The following KLK7 variants were observed in gnomAD, a reference collection of about 807,000 sequenced individuals.
The protein encoded by KLK7 is kallikrein-7.
KLK7 carries 17 observed loss-of-function variants against 21.0 expected under a neutral mutation model. That is an observed-to-expected ratio of 0.81 (90% CI 0.55 to 1.21). The LOEUF (loss-of-function observed/expected upper bound fraction) is 1.21, where lower values mean the gene tolerates loss of function less well. KLK7 is among the 50% of genes most tolerant of loss of function. KLK7 has a pLI of 0.00. For synonymous variants in KLK7, 151 were observed against 134.6 expected, an observed-to-expected ratio of 1.12 and a Z score of -0.85; for missense variants, 330 against 322.8, an observed-to-expected ratio of 1.02 and a Z score of -0.17.
chr19:50,979,675 TG>T, intron 5 of KLK7, 112 bp downstream of exon 5: 12 of 1,058,518 alleles, frequency 1.1e-5, no homozygotes, highest in Middle Eastern at 2.9e-4. Flanking sequence ...AGGCCAGGCC[TG>T]GGGGGAGGGC....
chr19:50,979,901 A>G lies in KLK7; in HGVS notation c.493T>C (p.Cys165Arg). Residue 165 changes from cysteine to arginine, a missense_variant, in exon 5 of 6, where the codon TGC (cysteine) becomes CGC (arginine). Cys to Arg is a radical substitution (Grantham distance 180). Coordinates refer to ENST00000595820, the MANE Select transcript of KLK7 (RefSeq NM_005046.4). ...GGGGAGATGAGCTTGACATCCACGC[A>G]CATGAGGTCAGAGGGAAAGGTCACT... ...PDVTFPSDLMCVDVKLISPQD... is the reference protein window; with the variant it reads ...PDVTFPSDLMRVDVKLISPQD... 1 of 1,595,350 alleles carries G rather than the reference A, an allele frequency of 6.3e-7. No homozygotes were observed. The highest frequency in any genetic ancestry group is 1.1e-5 in the South Asian group (1 of 87,556).
intron 3 of KLK7, 88 bp from the exon 4 acceptor site, chr19:50,980,575 C>G: frequency 6.5e-7 from 1 of 1,532,426 alleles, no homozygotes; most frequent in South Asian, 1.2e-5. Flanking sequence ...GGGACAGAGA[C>G]CCAGAGAGAG....
chr19:50,979,776 G>T lies in KLK7; in HGVS notation c.606+12C>A. The T allele has an allele frequency of 6.4e-7, 1 of 1,563,896 alleles. No individual in the cohort carries two copies. The highest frequency in any genetic ancestry group is 8.7e-7 in the Non-Finnish European group (1 of 1,153,190). On this transcript the variant is annotated intron_variant, in intron 5 of 5. Coordinates refer to ENST00000595820, the MANE Select transcript of KLK7 (RefSeq NM_005046.4). ...CCCAGGACTGGGGAGGAATTGGGGG[G>T]GAGGGTCTCACATTGCAGGCGTTTT...
At chr19:50,983,665 G>T in intron 1 of KLK7, 186 bp downstream of exon 1, 1 of 833,028 alleles carries the variant, frequency 1.2e-6, no homozygotes, top group Non-Finnish European at 1.6e-6. Flanking sequence ...CTTCCCTGTG[G>T]AACCCAAACT....
At chr19:50,978,644 T>C (rs953424151) in intron 5 of KLK7, among the ~76,000 whole-genome samples, 1 of 5,724 alleles carries the variant, frequency 1.7e-4, no homozygotes, top group Non-Finnish European at 3.3e-4. Flanking sequence ...GGGAGAGAGA[T>C]GGGGTGGGGG....
intron 5 of KLK7, among the ~76,000 whole-genome samples, chr19:50,979,138 G>A (rs1452355814): frequency 1.3e-5 from 2 of 150,938 alleles, no homozygotes; most frequent in African/African-American, 2.4e-5. Flanking sequence ...CAGAGAGGAG[G>A]TGGAGAGAAA....
At chr19:50,980,990 G>C (rs1348978209) in intron 3 of KLK7, among the ~76,000 whole-genome samples, 1 of 147,534 alleles carries the variant, frequency 6.8e-6, no homozygotes, top group East Asian at 2.1e-4. Context: ...CAGGGAGAGA[G>C]GGGGACAGAG....
intron 1 of KLK7, 110 bp downstream of exon 1, chr19:50,983,741 C>T: frequency 1.6e-6 from 2 of 1,240,170 alleles, no homozygotes; most frequent in Non-Finnish European, 2.1e-6. Flanking sequence ...CCTCACTGCT[C>T]AGGACCGGGA....
Position 50,978,498 on chromosome 19 carries a change from AAAG to A in KLK7, c.607-810_607-808del, listed in dbSNP as rs2091052495. Among the ~76,000 whole-genome samples the A allele has an allele frequency of 2.0e-5, 3 of 146,572 alleles. No individual in the cohort carries two copies. The South Asian group carries it at 6.7e-4, about 33-fold the overall frequency. The stretch of plus-strand genomic sequence containing the variant: ...AGAGAGACAGAGAGATGGGGGTGGA[AAAG>A]AAGGAGGGAGAAGAGAGACAGACAA... On this transcript the variant is annotated intron_variant, in intron 5 of 5. Transcript: ENST00000595820.
intron 5 of KLK7, among the ~76,000 whole-genome samples, chr19:50,978,377 G>A (rs1426318547): frequency 2.6e-5 from 4 of 152,016 alleles, no homozygotes; most frequent in African/African-American, 9.7e-5. Context: ...AGGAGGATGG[G>A]TGTGGAGAGA....
chr19:50,982,547 C>G, intron 1 of KLK7, 90 bp from the exon 2 acceptor site: 2 of 291,028 alleles, frequency 6.9e-6, no homozygotes, highest in Non-Finnish European at 9.6e-6. Context: ...ACCCAGGAGT[C>G]CAGGCCCCAG....
At chr19:50,977,788 A>G (rs1365326873) in intron 5 of KLK7, 97 bp from the exon 6 acceptor site, 23 of 1,258,656 alleles carry the variant, frequency 1.8e-5, no homozygotes, top group Non-Finnish European at 2.5e-5. Flanking sequence ...CTTGCAGATT[A>G]TGGACTTCCA....
chr19:50,983,278 C>T (rs865883238), intron 1 of KLK7, among the ~76,000 whole-genome samples: 1,452 of 3,864 alleles, frequency 0.38, 548 homozygotes, highest in Middle Eastern at 0.5. Flanking sequence ...CCCAGGAGTC[C>T]AGGCCCCAGC....
Position 50,982,167 on chromosome 19 carries a change from CT to C in KLK7, c.73+159del, listed in dbSNP as rs1031096966. The C allele has an allele frequency of 9.8e-6, 10 of 1,018,938 alleles. No homozygotes were observed. The African/African-American group carries it at 1.6e-4, about 16-fold the overall frequency. The allele number at this position is 1,018,938 out of a possible 1,614,324, so 63.1% of individuals were successfully genotyped here. A position where few individuals can be genotyped will look rare whatever the true frequency, so the allele number is the denominator to read the frequency against. ...AGGGCCTGGAGGGGACAGAGACCCCCTGAGTCAGCAGAAGCAGGAAGAGCGG... is the reference window on the plus strand; with the variant it reads ...AGGGCCTGGAGGGGACAGAGACCCCCGAGTCAGCAGAAGCAGGAAGAGCGG... On this transcript the variant is annotated intron_variant, in intron 2 of 5. Coordinates refer to ENST00000595820, the MANE Select transcript of KLK7 (RefSeq NM_005046.4).
chr19:50,977,671 C>T lies in KLK7; in HGVS notation c.627G>A (p.Leu209=), dbSNP rs764180281. Residue 209 remains leucine, a synonymous_variant, in exon 6 of 6, where the codon TTG becomes TTA. Coordinates refer to ENST00000595820, the MANE Select transcript of KLK7 (RefSeq NM_005046.4). ...GACCTTGCAGGGTACCTCTGCACACCAACGGTCCCCCTGAGTCACCCTAGA... is the reference window on the plus strand; with the variant it reads ...GACCTTGCAGGGTACCTCTGCACACTAACGGTCCCCCTGAGTCACCCTAGA... ...NACNGDSGGP[L]VCRGTLQGLV... 2 of 1,613,344 alleles carry T rather than the reference C, an allele frequency of 1.2e-6. No homozygotes were observed. Among genetic ancestry groups the T allele is most frequent in the Non-Finnish European group, 1.7e-6 (2 of 1,179,960 alleles).
rs111511472 is a variant in KLK7, at chr19:50,981,717, C to T, written c.221+50G>A. ...AAAGACTGCCCTTCCACCCCCATAGCGAGCTGGAGACGCTGGTGCACCTCC... is the reference window on the plus strand; with the variant it reads ...AAAGACTGCCCTTCCACCCCCATAGTGAGCTGGAGACGCTGGTGCACCTCC... On this transcript the variant is annotated intron_variant, in intron 3 of 5. Coordinates refer to ENST00000595820, the MANE Select transcript of KLK7 (RefSeq NM_005046.4). 0.01 allele frequency: 15,068 copies of T among 1,504,024 alleles called. 902 individuals carry two copies. The African/African-American group carries it at 0.15, about 15-fold the overall frequency. 93.2% of individuals were successfully genotyped at this position (1,504,024 alleles called of 1,614,324 possible).
intron 3 of KLK7, among the ~76,000 whole-genome samples, chr19:50,980,997 AG>A (rs2091077425): frequency 7.2e-6 from 1 of 139,294 alleles, no homozygotes; most frequent in Admixed American, 7.0e-5. Context: ...AGAGGGGGAC[AG>A]AGCCCCAGGG....
At chr19:50,977,772 C>T in intron 5 of KLK7, 81 bp from the exon 6 acceptor site, 1 of 1,426,668 alleles carries the variant, frequency 7.0e-7, no homozygotes, top group East Asian at 2.3e-5. Context: ...AGTTATCGGT[C>T]TTTGTCTTGC....
chr19:50,979,425 C>A (rs191136628), intron 5 of KLK7, among the ~76,000 whole-genome samples: 15 of 152,292 alleles, frequency 9.8e-5, no homozygotes, highest in Admixed American at 9.2e-4. Flanking sequence ...CCATCATGGA[C>A]TTCTGCATGA....
Sources: allele counts gnomAD v4.1 joint callset (sites outside exome capture counted in the v4.1 genomes callset), GRCh38; gene constraint gnomAD v4.1.1; transcripts MANE v1.5; gene names NCBI Gene and HGNC (gene_info 2026-07-23, HGNC 2026-07-21).